CREBBP: variants seen among roughly 807,000 people sequenced by gnomAD.
CREBBP encodes CREB-binding protein.
CREBBP carries 19 observed loss-of-function variants against 265.0 expected under a neutral mutation model. The ratio of observed to expected loss-of-function variants is 0.07; its 90% CI spans 0.05 to 0.11. The LOEUF (loss-of-function observed/expected upper bound fraction) is 0.11, where lower values mean the gene tolerates loss of function less well. Ranked by LOEUF, CREBBP falls within the 10% of genes least tolerant of loss-of-function variation. The probability of loss-of-function intolerance (pLI) is 1.00; values close to 1 mark genes in which losing one functional copy is unlikely to be tolerated. For missense variants in CREBBP, 2,525 were observed against 3,219.0 expected, an observed-to-expected ratio of 0.78 and a Z score of 5.22; for synonymous variants, 1,457 against 1,223.7, an observed-to-expected ratio of 1.19 and a Z score of -3.98.
intron 1 of CREBBP, among the ~76,000 whole-genome samples, chr16:3,876,098 G>C (rs2055393843): frequency 6.6e-6 from 1 of 152,044 alleles, no homozygotes; most frequent in African/African-American, 2.4e-5. Flanking sequence ...GAGTGCAGTG[G>C]CATGATCACA....
chr16:3,797,218 C>T (rs1401536763), intron 3 of CREBBP, among the ~76,000 whole-genome samples: 1 of 152,098 alleles, frequency 6.6e-6, no homozygotes, highest in African/African-American at 2.4e-5. Context: ...CAAAAGTAAT[C>T]TACGTTTTGT....
At chr16:3,811,635 G>T (rs2053939956) in intron 2 of CREBBP, among the ~76,000 whole-genome samples, 1 of 152,038 alleles carries the variant, frequency 6.6e-6, no homozygotes, top group Non-Finnish European at 1.5e-5. Context: ...GGTACTACAG[G>T]CACGTGCCAC....
At chr16:3,806,733 C>A (rs2053838107) in intron 3 of CREBBP, among the ~76,000 whole-genome samples, 2 of 152,124 alleles carry the variant, frequency 1.3e-5, no homozygotes, top group Non-Finnish European at 2.9e-5. Context: ...CTGCATCACA[C>A]CCCACCCTGT....
intron 8 of CREBBP, among the ~76,000 whole-genome samples, chr16:3,779,793 T>C (rs2053230346): frequency 6.6e-6 from 1 of 152,248 alleles, no homozygotes; most frequent in Non-Finnish European, 1.5e-5. Context: ...AATGTAAGTC[T>C]AGCTCATTTA....
chr16:3,794,212 G>A (rs1436041659), intron 3 of CREBBP, among the ~76,000 whole-genome samples: 1 of 151,684 alleles, frequency 6.6e-6, no homozygotes, highest in Non-Finnish European at 1.5e-5. Flanking sequence ...GGTGCCTGTA[G>A]TCCCACCTAC....
chr16:3,829,404 T>G (rs776332944), intron 2 of CREBBP, among the ~76,000 whole-genome samples: 19 of 152,208 alleles, frequency 1.2e-4, no homozygotes, highest in Non-Finnish European at 2.2e-4. Flanking sequence ...TATCTCCCAG[T>G]GCGACCACAC....
At chr16:3,805,276 G>A (rs570871735) in intron 3 of CREBBP, among the ~76,000 whole-genome samples, 62 of 152,234 alleles carry the variant, frequency 4.1e-4, no homozygotes, top group African/African-American at 1.3e-3. Flanking sequence ...CCTTCCCCAC[G>A]TTTTCCAGTT....
At chr16:3,778,241 T>A (rs2141235303) in intron 9 of CREBBP, 59 bp from the exon 10 acceptor site, 1 of 1,399,036 alleles carries the variant, frequency 7.1e-7, no homozygotes, top group African/African-American at 1.4e-5. Flanking sequence ...AACTGAATGA[T>A]CTGTGTTGTA....
intron 2 of CREBBP, among the ~76,000 whole-genome samples, chr16:3,815,455 G>C (rs965137660): frequency 6.6e-6 from 1 of 150,870 alleles, no homozygotes; most frequent in African/African-American, 2.4e-5. Context: ...GCTTGAACCC[G>C]GGAGGCAGAA....
chr16:3,871,493 G>A (rs183642442), intron 1 of CREBBP, among the ~76,000 whole-genome samples: 27 of 152,336 alleles, frequency 1.8e-4, no homozygotes, highest in Admixed American at 1.2e-3. Flanking sequence ...GTCTATAATT[G>A]TCTAAGCAAA....
intron 3 of CREBBP, among the ~76,000 whole-genome samples, chr16:3,808,658 G>A (rs1183966606): frequency 6.6e-6 from 1 of 152,212 alleles, no homozygotes; most frequent in Non-Finnish European, 1.5e-5. Flanking sequence ...CTGTCACTAA[G>A]TTGTAGATAA....
At chr16:3,849,417 GTGTGTGT>G (rs2054741782) in intron 2 of CREBBP, among the ~76,000 whole-genome samples, 2 of 7,100 alleles carry the variant, frequency 2.8e-4, no homozygotes, top group African/African-American at 3.5e-4. Flanking sequence ...GTGTGTGTGT[GTGTGTGT>G]GTGTGTGTGT....
chr16:3,863,830 G>A (rs1422463230), intron 1 of CREBBP, among the ~76,000 whole-genome samples: 1 of 152,168 alleles, frequency 6.6e-6, no homozygotes, highest in African/African-American at 2.4e-5. Context: ...TGGAATGGAA[G>A]GTGCCTGTCA....
At chr16:3,759,345 T>C (rs937707861) in intron 16 of CREBBP, among the ~76,000 whole-genome samples, 2 of 152,082 alleles carry the variant, frequency 1.3e-5, no homozygotes, top group Non-Finnish European at 2.9e-5. Flanking sequence ...TCCCAGCACT[T>C]TGGGAGACTG....
At chr16:3,749,517 C>T in intron 21 of CREBBP, 110 bp downstream of exon 21, 1 of 735,220 alleles carries the variant, frequency 1.4e-6, no homozygotes. Context: ...AGAAATTCCA[C>T]TTACGGCAAC....
Position 3,852,876 on chromosome 16 carries a change from G to A in CREBBP, c.86-1867C>T, listed in dbSNP as rs574076499. On this transcript the variant is annotated intron_variant, in intron 1 of 30. Transcript: ENST00000262367. ...TCATCTCTACCCTCTCATTTCCCAC[G>A]CACTCTAACCCACAACGGCCAGGCT... is the stretch of plus-strand genomic sequence containing the variant. Among the ~76,000 whole-genome samples the A allele has an allele frequency of 1.9e-4, 29 of 151,290 alleles. No homozygotes were observed. In the South Asian group the frequency reaches 5.2e-3, roughly 27 times the overall value.
chr16:3,745,549 T>G (rs2052322677), intron 21 of CREBBP, 195 bp from the exon 22 acceptor site: 1 of 623,894 alleles, frequency 1.6e-6, no homozygotes, highest in African/African-American at 1.8e-5. Flanking sequence ...AAAAGCTTTC[T>G]TCTTTTGTTT....
Position 3,849,431 on chromosome 16 carries a change from GTGTGTGT to G in CREBBP, c.798+859_798+865del, listed in dbSNP as rs2054753064. Among the ~76,000 whole-genome samples the G allele has an allele frequency of 4.2e-3, 61 of 14,484 alleles. 2 individuals carry two copies. The highest frequency in any genetic ancestry group is 0.015 in the South Asian group (4 of 264). The allele number at this position is 14,484 out of a possible 152,430, so 9.5% of individuals were successfully genotyped here. A position where few individuals can be genotyped will look rare whatever the true frequency, so the allele number is the denominator to read the frequency against. ...TGTGTGTGTGTGTGTGTGTGTGTGT[GTGTGTGT>G]GTGTGTGTGTGTGTGTGTGTGTGTG... On this transcript the variant is annotated intron_variant, in intron 2 of 30. Transcript: ENST00000262367.
intron 14 of CREBBP, among the ~76,000 whole-genome samples, chr16:3,770,290 T>C (rs945742643): frequency 8.5e-5 from 13 of 152,096 alleles, no homozygotes; most frequent in African/African-American, 2.4e-4. Context: ...CAAGTGATCT[T>C]CCCACCTAAG....
Sources: allele counts gnomAD v4.1 joint callset (sites outside exome capture counted in the v4.1 genomes callset), GRCh38; gene constraint gnomAD v4.1.1; transcripts MANE v1.5; gene names NCBI Gene and HGNC (gene_info 2026-07-23, HGNC 2026-07-21).